The following ANKH variants were observed in gnomAD, a reference collection of about 807,000 sequenced individuals.
ANKH encodes ANKH inorganic pyrophosphate transport regulator.
In ANKH, 15 loss-of-function variants were observed where a neutral mutation model predicts 49.0. That is an observed-to-expected ratio of 0.31 (90% CI 0.20 to 0.47). The LOEUF is 0.47. Among genes scored for constraint, ANKH ranks in the 20% least tolerant of loss-of-function variants. The pLI is 1.00. For missense variants in ANKH, 429 were observed against 652.0 expected, an observed-to-expected ratio of 0.66 and a Z score of 3.72; for synonymous variants, 273 against 260.0, an observed-to-expected ratio of 1.05 and a Z score of -0.48.
In ANKH at chr5:14,797,506, C is replaced by A. The variant is rs553808716; in HGVS notation, c.97-28315G>T. 2.7e-5 allele frequency: 44 copies of A among 1,611,306 alleles called. No homozygotes were observed. In the East Asian group the frequency reaches 5.6e-4, roughly 20 times the overall value. On this transcript the variant is annotated intron_variant, in intron 1 of 11. Transcript: ENST00000284268. Reference sequence around the variant, plus strand: ...TTCAGATTTCTCAGATCCCACAAGGCAACAGTCTTGTCAGCTGATCCTGTG... The same window carrying A: ...TTCAGATTTCTCAGATCCCACAAGGAAACAGTCTTGTCAGCTGATCCTGTG...
At chr5:14,805,031 T>C (rs958241351) in intron 1 of ANKH, among the ~76,000 whole-genome samples, 3 of 152,184 alleles carry the variant, frequency 2.0e-5, no homozygotes, top group Non-Finnish European at 2.9e-5. Flanking sequence ...GATTGAAGGA[T>C]ACAAAGTACT....
chr5:14,757,095 C>T (rs1738911137), intron 3 of ANKH, among the ~76,000 whole-genome samples: 1 of 148,644 alleles, frequency 6.7e-6, no homozygotes, highest in Non-Finnish European at 1.5e-5. Context: ...TGTGTAGATT[C>T]CCACTTCAAC....
Position 14,713,750 on chromosome 5 carries a change from C to T in ANKH, c.1142-83G>A, listed in dbSNP as rs1027964274. 102 of 1,598,084 alleles carry T rather than the reference C, an allele frequency of 6.4e-5. 1 individual carries two copies. In the East Asian group the frequency reaches 8.5e-4, roughly 13 times the overall value. ...TGCCTCTGGACCAGGGCAGCACATC[C>T]GAGAGCCAGGGGCTGCCTAGGACCC... On this transcript the variant is annotated intron_variant, in intron 9 of 11. Transcript: ENST00000284268. The surrounding 1 kb of genome is among the most constrained non-coding windows in gnomAD (Gnocchi z 4.4).
chr5:14,792,845 C>A (rs1740211975), intron 1 of ANKH, among the ~76,000 whole-genome samples: 1 of 150,030 alleles, frequency 6.7e-6, no homozygotes, highest in Admixed American at 6.7e-5. Context: ...GATGTGGTGG[C>A]AGACACCTGT....
At position 14,708,108 on chromosome 5, in the gene ANKH, C is replaced by T. The variant is rs553585733; in HGVS notation, c.*3089G>A. On this transcript the variant is annotated 3_prime_UTR_variant, in exon 12 of 12. Coordinates refer to ENST00000284268, the MANE Select transcript of ANKH (RefSeq NM_054027.6). ...TTTTGCTCAGTTGTTGTCTCACTGA[C>T]GCCCTTTGCCACTGAGATCCCTGTA... 5 of 152,296 alleles carry T rather than the reference C, an allele frequency of 3.3e-5. No homozygotes were observed. Among genetic ancestry groups the T allele is most frequent in the Admixed American group, 1.3e-4 (2 of 15,296 alleles). The allele number at this position is 152,296 out of a possible 1,614,324, so 9.4% of individuals were successfully genotyped here. A position where few individuals can be genotyped will look rare whatever the true frequency, so the allele number is the denominator to read the frequency against.
intron 6 of ANKH, among the ~76,000 whole-genome samples, chr5:14,746,637 CT>C (rs1163032824): frequency 6.6e-6 from 1 of 152,212 alleles, no homozygotes; most frequent in African/African-American, 2.4e-5. Context: ...CAAAGGCAAT[CT>C]AGTCCCCAGG....
intron 8 of ANKH, among the ~76,000 whole-genome samples, chr5:14,719,058 T>A (rs1430810013): frequency 6.6e-6 from 1 of 152,086 alleles, no homozygotes; most frequent in African/African-American, 2.4e-5. Context: ...AAGATACCAG[T>A]TTCAGGACTG....
intron 1 of ANKH, among the ~76,000 whole-genome samples, chr5:14,850,963 G>C (rs1225361434): frequency 6.6e-6 from 1 of 152,044 alleles, no homozygotes; most frequent in African/African-American, 2.4e-5. Context: ...GTTTAGGAGA[G>C]GGCAGTGGGG....
intron 1 of ANKH, among the ~76,000 whole-genome samples, chr5:14,780,813 T>C (rs542430187): frequency 6.6e-6 from 1 of 152,302 alleles, no homozygotes; most frequent in African/African-American, 2.4e-5. Context: ...ATCTATCTAA[T>C]CCTTTTGATA....
chr5:14,729,527 C>T (rs932609187), intron 8 of ANKH, among the ~76,000 whole-genome samples: 1 of 151,646 alleles, frequency 6.6e-6, no homozygotes, highest in Non-Finnish European at 1.5e-5. Flanking sequence ...AAATTGAGGA[C>T]GCGAGAGGCA....
At chr5:14,756,336 TG>T (rs536213953) in intron 3 of ANKH, among the ~76,000 whole-genome samples, 53 of 152,288 alleles carry the variant, frequency 3.5e-4, no homozygotes, top group African/African-American at 1.1e-3. Context: ...GGCTCTCATT[TG>T]GGTCTGAGTT....
At chr5:14,847,329 TGTGGA>T (rs1393557940) in intron 1 of ANKH, among the ~76,000 whole-genome samples, 4 of 152,202 alleles carry the variant, frequency 2.6e-5, no homozygotes, top group African/African-American at 9.6e-5. Context: ...TCTCCTTTGC[TGTGGA>T]GGCTGAGGAT....
chr5:14,798,901 C>T (rs1740476764), intron 1 of ANKH, among the ~76,000 whole-genome samples: 1 of 152,200 alleles, frequency 6.6e-6, no homozygotes, highest in Admixed American at 6.5e-5. Flanking sequence ...ACAGTCACAC[C>T]TCTCTCTTGG....
chr5:14,862,027 G>C (rs1735509645), intron 1 of ANKH, among the ~76,000 whole-genome samples: 1 of 152,172 alleles, frequency 6.6e-6, no homozygotes, highest in South Asian at 2.1e-4. Flanking sequence ...CTTGAGGTCA[G>C]GAGTTTGAGA....
rs963188489 is a variant in ANKH at position 14,824,650 on chromosome 5, C to A, written c.96+46702G>T. On this transcript the variant is annotated intron_variant, in intron 1 of 11. Coordinates refer to ENST00000284268, the MANE Select transcript of ANKH (RefSeq NM_054027.6). ...AGATCATTTCATCAGCTGACAGGAGCGACTGCCAACACTCCTGGTTCCCAA... is the reference window on the plus strand; with the variant it reads ...AGATCATTTCATCAGCTGACAGGAGAGACTGCCAACACTCCTGGTTCCCAA... 5.3e-5 allele frequency among the ~76,000 whole-genome samples: 8 copies of A among 152,244 alleles called. 1 individual carries two copies. The highest frequency in any genetic ancestry group is 7.4e-5 in the Non-Finnish European group (5 of 68,018).
chr5:14,814,437 C>A lies in ANKH; in HGVS notation c.97-45246G>T, dbSNP rs1411028958. On this transcript the variant is annotated intron_variant, in intron 1 of 11. Transcript: ENST00000284268. ...GCAACATACCAAGACCTTGTCTCTACAGAAAAAATGTTTTTTTAATTAGCG... is the reference window on the plus strand; with the variant it reads ...GCAACATACCAAGACCTTGTCTCTAAAGAAAAAATGTTTTTTTAATTAGCG... Among the ~76,000 whole-genome samples, 3 of 152,062 alleles carry A rather than the reference C, an allele frequency of 2.0e-5. No individual in the cohort carries two copies. In the East Asian group the frequency reaches 5.8e-4, roughly 29 times the overall value.
intron 1 of ANKH, among the ~76,000 whole-genome samples, chr5:14,835,490 A>G (rs826352): frequency 0.63 from 95,686 of 152,016 alleles, 30,649 homozygotes; most frequent in East Asian, 0.84. Context: ...GTGAAAAGCC[A>G]CATGAATCCT....
chr5:14,841,654 G>A (rs1011503489), intron 1 of ANKH, among the ~76,000 whole-genome samples: 1 of 152,148 alleles, frequency 6.6e-6, no homozygotes, highest in African/African-American at 2.4e-5. Flanking sequence ...CACATTGTTG[G>A]GCAACCATCC....
Position 14,849,094 on chromosome 5 carries a change from C to T in ANKH, c.96+22258G>A, listed in dbSNP as rs955768626. Among the ~76,000 whole-genome samples the T allele has an allele frequency of 2.6e-5, 4 of 152,188 alleles. No homozygotes were observed. In the South Asian group the frequency reaches 8.3e-4, roughly 31 times the overall value. ...GGAATTCTTAGTCAGCCTAGGAAAT[C>T]CAGCTAGTCCTGTCTCCCAGTGCTA... On this transcript the variant is annotated intron_variant, in intron 1 of 11. Transcript: ENST00000284268.
Sources: gnomAD v4.1 joint callset for allele counts (sites outside exome capture counted in the v4.1 genomes callset) on GRCh38, gnomAD v4.1.1 for gene constraint, Gnocchi (gnomAD v3.1) non-coding constraint, MANE v1.5 for transcripts, NCBI Gene and HGNC (gene_info 2026-07-23, HGNC 2026-07-21) for gene names.